The following TMEM163 variants were observed in gnomAD, a reference collection of about 807,000 sequenced individuals.
The protein encoded by TMEM163 is transmembrane protein 163.
In TMEM163, 17 loss-of-function variants were observed where a neutral mutation model predicts 29.3. That is an observed-to-expected ratio of 0.58 (90% confidence interval 0.40 to 0.87). The LOEUF is 0.87. Ranked by LOEUF, TMEM163 falls within the 40% of genes least tolerant of loss-of-function variation. The pLI is 0.00. For synonymous variants in TMEM163, 157 were observed against 160.6 expected, an observed-to-expected ratio of 0.98 and a Z score of 0.17; for missense variants, 303 against 381.5, an observed-to-expected ratio of 0.79 and a Z score of 1.71.
chr2:134,599,818 C>G (rs996592795), intron 2 of TMEM163, among the ~76,000 whole-genome samples: 1 of 151,784 alleles, frequency 6.6e-6, no homozygotes, highest in Non-Finnish European at 1.5e-5. Context: ...CAGGCATAAG[C>G]CACCACACCC....
chr2:134,651,953 T>C (rs1477048743), intron 2 of TMEM163, among the ~76,000 whole-genome samples: 3 of 115,630 alleles, frequency 2.6e-5, no homozygotes, highest in African/African-American at 4.2e-5. Flanking sequence ...TGTAGCCTTG[T>C]AGTATAGTTT....
intron 2 of TMEM163, among the ~76,000 whole-genome samples, chr2:134,638,187 A>G (rs868130170): frequency 6.6e-6 from 1 of 152,206 alleles, no homozygotes; most frequent in Admixed American, 6.5e-5. Context: ...ATTATTATTA[A>G]TAGCCGCAGG....
At chr2:134,480,551 T>C (rs1304662122) in intron 5 of TMEM163, among the ~76,000 whole-genome samples, 1 of 152,212 alleles carries the variant, frequency 6.6e-6, no homozygotes, top group Non-Finnish European at 1.5e-5. Context: ...CTCAAGAGTG[T>C]AGACATAGAA....
intron 4 of TMEM163, among the ~76,000 whole-genome samples, chr2:134,521,716 G>A (rs1680192774): frequency 6.6e-6 from 1 of 152,142 alleles, no homozygotes; most frequent in South Asian, 2.1e-4. Context: ...CTCACAGAAA[G>A]GCCACCACAG....
At position 134,692,373 on chromosome 2, in the gene TMEM163, C is replaced by T. The variant is rs1044013451; in HGVS notation, c.322+20827G>A. The stretch of plus-strand genomic sequence containing the variant: ...AATACATTCCCTTCAACTTTTCTGA[C>T]CTCTATGTCTTCCACTAGTTCCTTA... On this transcript the variant is annotated intron_variant, in intron 2 of 7. Transcript: ENST00000281924. 7.9e-5 allele frequency among the ~76,000 whole-genome samples: 12 copies of T among 152,184 alleles called. 1 individual carries two copies. Among genetic ancestry groups the T allele is most frequent in the African/African-American group, 2.7e-4 (11 of 41,440 alleles).
chr2:134,584,053 T>C (rs759786868), intron 2 of TMEM163, among the ~76,000 whole-genome samples: 1 of 152,184 alleles, frequency 6.6e-6, no homozygotes, highest in African/African-American at 2.4e-5. Flanking sequence ...CTCCTAGTAG[T>C]GCTGAATAGA....
chr2:134,480,188 C>T (rs1244804575), intron 5 of TMEM163, among the ~76,000 whole-genome samples: 1 of 152,206 alleles, frequency 6.6e-6, no homozygotes, highest in Non-Finnish European at 1.5e-5. Flanking sequence ...TCTGCCCTCA[C>T]CTCCTAACAC....
At chr2:134,699,510 A>G (rs1368882180) in intron 2 of TMEM163, among the ~76,000 whole-genome samples, 2 of 152,186 alleles carry the variant, frequency 1.3e-5, no homozygotes, top group Admixed American at 6.5e-5. Flanking sequence ...TCTCAAAAAA[A>G]AAAAAAATGT....
At chr2:134,616,151 A>T (rs1682605348) in intron 2 of TMEM163, among the ~76,000 whole-genome samples, 1 of 152,228 alleles carries the variant, frequency 6.6e-6, no homozygotes, top group Admixed American at 6.5e-5. Flanking sequence ...TCATGGCAAC[A>T]GTTTTTTGAG....
chr2:134,680,199 T>A (rs1684200056), intron 2 of TMEM163, among the ~76,000 whole-genome samples: 1 of 152,226 alleles, frequency 6.6e-6, no homozygotes, highest in Non-Finnish European at 1.5e-5. Context: ...CAAAAAATCT[T>A]AAATGAGGTC....
At chr2:134,616,197 G>A (rs548558765) in intron 2 of TMEM163, among the ~76,000 whole-genome samples, 2 of 152,194 alleles carry the variant, frequency 1.3e-5, no homozygotes, top group East Asian at 3.9e-4. Context: ...CTTTCTGGAG[G>A]GCCAAAGAAT....
intron 2 of TMEM163, among the ~76,000 whole-genome samples, chr2:134,568,440 T>C (rs921544691): frequency 2.0e-5 from 3 of 151,812 alleles, no homozygotes; most frequent in African/African-American, 7.3e-5. Context: ...GACAGGAGGA[T>C]TGCTTGAACC....
intron 2 of TMEM163, among the ~76,000 whole-genome samples, chr2:134,692,214 C>CT (rs1369544523): frequency 6.6e-6 from 1 of 152,126 alleles, no homozygotes; most frequent in East Asian, 1.9e-4. Flanking sequence ...GAGCACAGCC[C>CT]TGCTGACCCT....
intron 2 of TMEM163, among the ~76,000 whole-genome samples, chr2:134,664,244 C>T (rs1054252039): frequency 6.6e-6 from 1 of 152,188 alleles, no homozygotes; most frequent in Non-Finnish European, 1.5e-5. Flanking sequence ...CTCTTCCCAG[C>T]GCCTAGCTCA....
intron 2 of TMEM163, among the ~76,000 whole-genome samples, chr2:134,561,271 T>C (rs1681175014): frequency 6.6e-6 from 1 of 152,230 alleles, no homozygotes; most frequent in African/African-American, 2.4e-5. Context: ...TGACGCCATC[T>C]TGGCTCACTG....
intron 2 of TMEM163, among the ~76,000 whole-genome samples, chr2:134,646,926 A>G (rs977995815): frequency 3.3e-5 from 5 of 152,222 alleles, no homozygotes; most frequent in South Asian, 4.1e-4. Flanking sequence ...TGTGTAATTG[A>G]TAAGAGGCAA....
At chr2:134,620,907 C>T (rs1314393859) in intron 2 of TMEM163, among the ~76,000 whole-genome samples, 1 of 152,116 alleles carries the variant, frequency 6.6e-6, no homozygotes, top group Non-Finnish European at 1.5e-5. Context: ...ATCATCATGA[C>T]CTTGGATTAA....
chr2:134,676,760 A>G (rs1684124186), intron 2 of TMEM163, among the ~76,000 whole-genome samples: 2 of 152,238 alleles, frequency 1.3e-5, no homozygotes, highest in Non-Finnish European at 2.9e-5. Flanking sequence ...CATAAATAGA[A>G]TCAAGACTTC....
At chr2:134,457,954 T>C (rs1197970606) in intron 7 of TMEM163, 78 bp downstream of exon 7, 1 of 1,599,278 alleles carries the variant, frequency 6.3e-7, no homozygotes, top group Non-Finnish European at 8.5e-7. Flanking sequence ...AAGCCTGTCA[T>C]TTCCTGACTG....
Sources: allele counts gnomAD v4.1 joint callset (sites outside exome capture counted in the v4.1 genomes callset), GRCh38; gene constraint gnomAD v4.1.1; transcripts MANE v1.5; gene names NCBI Gene and HGNC (gene_info 2026-07-23, HGNC 2026-07-21).